ROBO1: variants seen among roughly 807,000 people sequenced by gnomAD.
ROBO1 encodes roundabout homolog 1.
ROBO1 carries 149 observed loss-of-function variants against 195.9 expected under a neutral mutation model. The observed-to-expected ratio is 0.76, with a 90% confidence interval of 0.67 to 0.87. The LOEUF (loss-of-function observed/expected upper bound fraction) is 0.87. Among genes scored for constraint, ROBO1 ranks in the 40% least tolerant of loss-of-function variants. The pLI is 0.00. For missense variants in ROBO1, 1,933 were observed against 2,068.3 expected, an observed-to-expected ratio of 0.93 and a Z score of 1.27; for synonymous variants, 816 against 733.2, an observed-to-expected ratio of 1.11 and a Z score of -1.82.
At chr3:78,837,518 G>GA (rs1418747351) in intron 4 of ROBO1, among the ~76,000 whole-genome samples, 2 of 151,966 alleles carry the variant, frequency 1.3e-5, no homozygotes, top group East Asian at 1.9e-4. Flanking sequence ...AATTCTAAGA[G>GA]AAAAAATGCT....
At chr3:79,017,213 G>A (rs1485869471) in intron 3 of ROBO1, among the ~76,000 whole-genome samples, 1 of 152,006 alleles carries the variant, frequency 6.6e-6, no homozygotes, top group African/African-American at 2.4e-5. Context: ...TTCTTTTAGG[G>A]GTTTATTCGC....
At chr3:78,904,359 T>C (rs1287859160) in intron 4 of ROBO1, among the ~76,000 whole-genome samples, 2 of 152,088 alleles carry the variant, frequency 1.3e-5, no homozygotes, top group Non-Finnish European at 2.9e-5. Context: ...TTATACACCA[T>C]AGCATTAATC....
At chr3:79,259,988 A>G (rs1481845900) in intron 2 of ROBO1, among the ~76,000 whole-genome samples, 2 of 151,998 alleles carry the variant, frequency 1.3e-5, no homozygotes, top group African/African-American at 4.8e-5. Context: ...TCCCTTCACC[A>G]GTTTATCAAG....
Position 79,378,267 on chromosome 3 carries a change from C to T in ROBO1, c.88+211557G>A, listed in dbSNP as rs2036453016. Among the ~76,000 whole-genome samples, 5 of 151,908 alleles carry T rather than the reference C, an allele frequency of 3.3e-5. No homozygotes were observed. The South Asian group carries it at 1.0e-3, about 32-fold the overall frequency. ...CCTTAACCAGGGCTTGCGTAATAGC[C>T]ATTCAGAACTAACTAGTCTGGGAAA... On this transcript the variant is annotated intron_variant, in intron 2 of 30. Coordinates refer to ENST00000464233, the MANE Select transcript of ROBO1 (RefSeq NM_002941.4).
intron 2 of ROBO1, among the ~76,000 whole-genome samples, chr3:79,348,700 C>A (rs2035227021): frequency 6.6e-6 from 1 of 152,182 alleles, no homozygotes; most frequent in African/African-American, 2.4e-5. Flanking sequence ...GCATAGAACA[C>A]TTTTCAGTGA....
chr3:79,169,515 T>C (rs745452670), intron 2 of ROBO1, among the ~76,000 whole-genome samples: 2 of 152,158 alleles, frequency 1.3e-5, no homozygotes, highest in African/African-American at 4.8e-5. Flanking sequence ...GAAATCCAGA[T>C]AGCTGAGTAA....
intron 4 of ROBO1, among the ~76,000 whole-genome samples, chr3:78,748,894 G>A (rs1454558782): frequency 6.6e-6 from 1 of 152,088 alleles, no homozygotes; most frequent in Non-Finnish European, 1.5e-5. Flanking sequence ...TCGCCAAACT[G>A]TTTAAATTCT....
At chr3:79,358,353 A>G (rs1426732969) in intron 2 of ROBO1, among the ~76,000 whole-genome samples, 1 of 152,078 alleles carries the variant, frequency 6.6e-6, no homozygotes, top group Non-Finnish European at 1.5e-5. Flanking sequence ...GTCCAAAGGA[A>G]TAAGCAAAGG....
At chr3:78,663,962 C>T (rs1400258390) in intron 14 of ROBO1, among the ~76,000 whole-genome samples, 4 of 152,124 alleles carry the variant, frequency 2.6e-5, no homozygotes, top group Non-Finnish European at 4.4e-5. Context: ...TGATCTGCAT[C>T]CCAATCCCAA....
At chr3:79,062,166 AC>A (rs892091864) in intron 3 of ROBO1, among the ~76,000 whole-genome samples, 1 of 151,594 alleles carries the variant, frequency 6.6e-6, no homozygotes, top group Non-Finnish European at 1.5e-5. Context: ...AAAAAAACAA[AC>A]CCATCAAAAA....
chr3:78,896,679 A>AAT (rs2037257904), intron 4 of ROBO1, among the ~76,000 whole-genome samples: 1 of 151,496 alleles, frequency 6.6e-6, no homozygotes, highest in Admixed American at 6.6e-5. Context: ...AAAAAAAAAA[A>AAT]AGAAGAGTTA....
In ROBO1 at chr3:78,717,423, A is replaced by G. The variant is rs2081929784; in HGVS notation, c.779-10T>C. 6.2e-7 allele frequency: 1 copy of G among 1,612,964 alleles called. No homozygotes were observed. Among genetic ancestry groups the G allele is most frequent in the South Asian group, 1.1e-5 (1 of 91,042 alleles). On this transcript the variant is annotated splice_polypyrimidine_tract_variant and intron_variant, in intron 6 of 30. Coordinates refer to ENST00000464233, the MANE Select transcript of ROBO1 (RefSeq NM_002941.4). The stretch of plus-strand genomic sequence containing the variant: ...ACAAATGATGGTCTCTCTAAAATTA[A>G]AAAGAGTCATCTTAAGGTAAAATTT...
intron 4 of ROBO1, among the ~76,000 whole-genome samples, chr3:78,756,731 A>T (rs1410925596): frequency 1.3e-5 from 2 of 152,106 alleles, no homozygotes; most frequent in African/African-American, 4.8e-5. Flanking sequence ...ATGCAAAACA[A>T]ATAAAGGAGA....
At chr3:79,450,241 T>C (rs190424152) in intron 2 of ROBO1, among the ~76,000 whole-genome samples, 1 of 152,088 alleles carries the variant, frequency 6.6e-6, no homozygotes, top group African/African-American at 2.4e-5. Flanking sequence ...TCAAATTCCT[T>C]TTACTGAGTC....
At chr3:78,713,470 A>G (rs1301512857) in intron 8 of ROBO1, among the ~76,000 whole-genome samples, 3 of 152,122 alleles carry the variant, frequency 2.0e-5, no homozygotes, top group African/African-American at 7.2e-5. Context: ...CATTTACTAT[A>G]TATACTGTCA....
chr3:78,714,970 G>C (rs988778664), intron 7 of ROBO1: 1 of 152,676 alleles, frequency 6.5e-6, no homozygotes, highest in Non-Finnish European at 1.5e-5. Context: ...CTTGGCCTTG[G>C]TCCTCATCTA....
intron 2 of ROBO1, among the ~76,000 whole-genome samples, chr3:79,245,715 G>C (rs963838579): frequency 4.6e-5 from 7 of 151,810 alleles, no homozygotes; most frequent in African/African-American, 1.2e-4. Flanking sequence ...TAGGAAAACT[G>C]CCTGTTCCTT....
chr3:78,676,586 T>C (rs1232512946), intron 10 of ROBO1, among the ~76,000 whole-genome samples: 3 of 151,780 alleles, frequency 2.0e-5, no homozygotes, highest in African/African-American at 7.3e-5. Context: ...TGATGGAAGA[T>C]GAAATGAATG....
chr3:79,199,794 A>C (rs144943886), intron 2 of ROBO1, among the ~76,000 whole-genome samples: 1 of 151,750 alleles, frequency 6.6e-6, no homozygotes, highest in African/African-American at 2.4e-5. Flanking sequence ...AATCAGTATA[A>C]AATTTTAGTT....
Sources: allele counts gnomAD v4.1 joint callset (sites outside exome capture counted in the v4.1 genomes callset), GRCh38; gene constraint gnomAD v4.1.1; transcripts MANE v1.5; gene names NCBI Gene and HGNC (gene_info 2026-07-23, HGNC 2026-07-21).